HORMAD2: variants seen among roughly 807,000 people sequenced by gnomAD.
The protein encoded by HORMAD2 is HORMA domain-containing protein 2.
Under a neutral mutation model 38.8 loss-of-function variants are expected in HORMAD2, and 45 were observed. That is an observed-to-expected ratio of 1.16 (90% CI 0.91 to 1.49). HORMAD2 has a LOEUF of 1.49. Among genes scored for constraint, HORMAD2 ranks in the 40% most tolerant of loss-of-function variants. The probability of loss-of-function intolerance (pLI) is 0.00; values close to 1 mark genes in which losing one functional copy is unlikely to be tolerated. For missense variants in HORMAD2, 338 were observed against 367.0 expected, an observed-to-expected ratio of 0.92 and a Z score of 0.65; for synonymous variants, 126 against 122.8, an observed-to-expected ratio of 1.03 and a Z score of -0.17.
intron 10 of HORMAD2, chr22:30,136,710 G>A (rs1416562959): frequency 6.2e-6 from 1 of 161,158 alleles, no homozygotes; most frequent in Non-Finnish European, 1.3e-5. Context: ...ATATCCATCA[G>A]CTCATTCAAT....
chr22:30,154,692 C>A (rs1447168069), intron 10 of HORMAD2, among the ~76,000 whole-genome samples: 2 of 152,156 alleles, frequency 1.3e-5, no homozygotes, highest in East Asian at 1.9e-4. Context: ...ATAGAACAGG[C>A]CACTTATTTT....
chr22:30,170,694 G>A (rs1926057521), intron 10 of HORMAD2, among the ~76,000 whole-genome samples: 1 of 152,078 alleles, frequency 6.6e-6, no homozygotes, highest in Non-Finnish European at 1.5e-5. Context: ...TTTCCAGTCT[G>A]GTGAACTGCT....
intron 10 of HORMAD2, among the ~76,000 whole-genome samples, chr22:30,139,360 T>TTA (rs1246820280): frequency 7.0e-6 from 1 of 142,260 alleles, no homozygotes; most frequent in Non-Finnish European, 1.5e-5. Context: ...ATATATATAC[T>TTA]TATATATATA....
At chr22:30,110,390 T>C (rs1157895182) in intron 5 of HORMAD2, among the ~76,000 whole-genome samples, 1 of 148,304 alleles carries the variant, frequency 6.7e-6, no homozygotes, top group Non-Finnish European at 1.5e-5. Flanking sequence ...ATACTTTTTT[T>C]TTTTTTTTTT....
intron 5 of HORMAD2, 57 bp from the exon 6 acceptor site, chr22:30,111,737 GAA>G: frequency 7.6e-7 from 1 of 1,319,272 alleles, no homozygotes; most frequent in Non-Finnish European, 1.0e-6. Context: ...CTATTGAAAA[GAA>G]TGATAATATA....
At chr22:30,117,812 CCAGA>C (rs1922156974) in intron 7 of HORMAD2, among the ~76,000 whole-genome samples, 1 of 152,156 alleles carries the variant, frequency 6.6e-6, no homozygotes, top group Admixed American at 6.6e-5. Context: ...CCATGCCCAG[CCAGA>C]CATTCATTTT....
At chr22:30,097,173 A>C (rs1282766979) in intron 2 of HORMAD2, among the ~76,000 whole-genome samples, 1 of 152,246 alleles carries the variant, frequency 6.6e-6, no homozygotes, top group African/African-American at 2.4e-5. Flanking sequence ...GTTAATACAT[A>C]AACACAGTAA....
chr22:30,087,033 G>T (rs1455761730), intron 1 of HORMAD2, among the ~76,000 whole-genome samples: 1 of 152,076 alleles, frequency 6.6e-6, no homozygotes, highest in African/African-American at 2.4e-5. Context: ...AGCTAATTTT[G>T]TATTTTCAGT....
chr22:30,120,649 G>A (rs1196031353), intron 8 of HORMAD2, among the ~76,000 whole-genome samples: 1 of 152,190 alleles, frequency 6.6e-6, no homozygotes, highest in Non-Finnish European at 1.5e-5. Context: ...TTCAACAAAT[G>A]TTGATTGAAT....
chr22:30,116,947 G>A (rs535651330), intron 7 of HORMAD2, among the ~76,000 whole-genome samples: 3 of 152,158 alleles, frequency 2.0e-5, no homozygotes, highest in Admixed American at 6.5e-5. Flanking sequence ...TGTTCATCTC[G>A]CCTATCTGGA....
At chr22:30,088,148 T>C (rs1028354207) in intron 1 of HORMAD2, among the ~76,000 whole-genome samples, 3 of 116,586 alleles carry the variant, frequency 2.6e-5, no homozygotes, top group East Asian at 4.2e-4. Context: ...CATATACACA[T>C]ATGTATACAC....
At chr22:30,080,683 G>A (rs1314921872) in intron 1 of HORMAD2, among the ~76,000 whole-genome samples, 192 bp downstream of exon 1, 1 of 152,218 alleles carries the variant, frequency 6.6e-6, no homozygotes, top group Non-Finnish European at 1.5e-5. Context: ...GGGCTGAGGA[G>A]GAAGGCAAAA....
At chr22:30,166,928 T>G (rs901009036) in intron 10 of HORMAD2, among the ~76,000 whole-genome samples, 1 of 152,178 alleles carries the variant, frequency 6.6e-6, no homozygotes, top group African/African-American at 2.4e-5. Context: ...GAATGTGGTA[T>G]GTTTGGAGGA....
chr22:30,098,035 C>T (rs1426889191), intron 2 of HORMAD2, among the ~76,000 whole-genome samples: 2 of 152,116 alleles, frequency 1.3e-5, no homozygotes, highest in African/African-American at 4.8e-5. Flanking sequence ...TGGAGTAGTG[C>T]TGATTCACTA....
chr22:30,158,551 TCCC>T (rs1925231018), intron 10 of HORMAD2, among the ~76,000 whole-genome samples: 1 of 107,726 alleles, frequency 9.3e-6, no homozygotes, highest in Non-Finnish European at 1.8e-5. Flanking sequence ...CCTTCCTTCC[TCCC>T]TCCCCTCCCC....
chr22:30,154,059 G>T (rs1348664013), intron 10 of HORMAD2, among the ~76,000 whole-genome samples: 1 of 152,020 alleles, frequency 6.6e-6, no homozygotes, highest in Non-Finnish European at 1.5e-5. Flanking sequence ...TACCTGATCT[G>T]CTCTAGCCCA....
intron 10 of HORMAD2, among the ~76,000 whole-genome samples, chr22:30,122,940 G>A (rs1216100088): frequency 2.0e-5 from 3 of 152,116 alleles, no homozygotes; most frequent in African/African-American, 7.2e-5. Context: ...ATTTTCAGTA[G>A]GAAGGGATGC....
At chr22:30,180,274 G>C (rs182445754), downstream of HORMAD2, among the ~76,000 whole-genome samples, 2 of 152,150 alleles carry the variant, frequency 1.3e-5, no homozygotes, top group Admixed American at 6.6e-5. Flanking sequence ...GGAGAGGCAG[G>C]CTGCTTGAGA....
intron 5 of HORMAD2, among the ~76,000 whole-genome samples, chr22:30,110,782 A>G (rs1921573712): frequency 6.6e-6 from 1 of 152,132 alleles, no homozygotes; most frequent in South Asian, 2.1e-4. Context: ...TCACAGGTCC[A>G]CTTATATATG....
Sources: gnomAD v4.1 joint callset for allele counts (sites outside exome capture counted in the v4.1 genomes callset) on GRCh38, gnomAD v4.1.1 for gene constraint, MANE v1.5 for transcripts, NCBI Gene and HGNC (gene_info 2026-07-23, HGNC 2026-07-21) for gene names.